The following STRN variants were observed in gnomAD, a reference collection of about 807,000 sequenced individuals.
The protein encoded by STRN is protein phosphatase 2 regulatory subunit B'''alpha.
A neutral mutation model predicts 96.3 loss-of-function variants in STRN; 53 were observed. The ratio of observed to expected loss-of-function variants is 0.55; its 90% CI spans 0.44 to 0.69. The LOEUF (loss-of-function observed/expected upper bound fraction) is 0.69. STRN is among the 30% of genes least tolerant of loss of function. The pLI, the probability that STRN is intolerant of heterozygous loss-of-function variation, is 0.00. For missense variants in STRN, 987 were observed against 963.9 expected (o/e 1.02, Z -0.32); for synonymous variants, 428 against 355.9 (o/e 1.20, Z -2.28).
At chr2:36,889,191 G>C (rs1268089128) in intron 7 of STRN, among the ~76,000 whole-genome samples, 1 of 152,146 alleles carries the variant, frequency 6.6e-6, no homozygotes, top group East Asian at 1.9e-4. Flanking sequence ...ATCAATATTT[G>C]TTGAATGAAT....
chr2:36,949,356 T>G (rs915925959), intron 1 of STRN, among the ~76,000 whole-genome samples: 9 of 152,194 alleles, frequency 5.9e-5, no homozygotes, highest in East Asian at 5.8e-4. Context: ...ATGTAGGAAA[T>G]ATAAACAGTC....
rs1037756245 is a variant in STRN, at chr2:36,843,841, G to C, written c.*5615C>G. The C allele has an allele frequency of 5.3e-5, 8 of 152,082 alleles. No homozygotes were observed. The highest frequency in any genetic ancestry group is 8.8e-5 in the Non-Finnish European group (6 of 68,012). 9.4% of individuals were successfully genotyped at this position (152,082 alleles called of 1,614,324 possible). A position where few individuals can be genotyped will look rare whatever the true frequency, so the allele number is the denominator to read the frequency against. On this transcript the variant is annotated 3_prime_UTR_variant, in exon 18 of 18. Coordinates refer to ENST00000263918, the MANE Select transcript of STRN (RefSeq NM_003162.4). ...TATTTAAAAACAAATAATACACTTAGAGCCACCAAAGATGGATATCTTAAT... is the reference window on the plus strand; with the variant it reads ...TATTTAAAAACAAATAATACACTTACAGCCACCAAAGATGGATATCTTAAT...
intron 9 of STRN, among the ~76,000 whole-genome samples, chr2:36,878,728 A>AT (rs947421034): frequency 3.3e-5 from 5 of 151,270 alleles, no homozygotes; most frequent in Admixed American, 2.0e-4. Context: ...TTCATCTAAA[A>AT]TTTTTTTTTA....
At chr2:36,962,115 G>A (rs1366785728) in intron 1 of STRN, among the ~76,000 whole-genome samples, 2 of 152,146 alleles carry the variant, frequency 1.3e-5, no homozygotes, top group Non-Finnish European at 2.9e-5. Context: ...GGCAAGATCT[G>A]TATTTTTGCT....
chr2:36,874,717 T>TA (rs35268065), intron 10 of STRN, among the ~76,000 whole-genome samples: 1,410 of 86,138 alleles, frequency 0.016, 16 homozygotes, highest in African/African-American at 0.032. Context: ...TGTTTAGAGT[T>TA]AAAAAAAAAA....
chr2:36,965,882 G>A (rs929406124), intron 1 of STRN, among the ~76,000 whole-genome samples: 1 of 152,260 alleles, frequency 6.6e-6, no homozygotes, highest in Middle Eastern at 3.4e-3. Flanking sequence ...TTTGCTCCGC[G>A]TCTCTCAAAA....
At chr2:36,899,481 A>G in intron 6 of STRN, 42 bp downstream of exon 6, 1 of 1,568,840 alleles carries the variant, frequency 6.4e-7, no homozygotes, top group Non-Finnish European at 8.6e-7. Context: ...TATGTATTAT[A>G]GTCCCTAAAA....
intron 10 of STRN, among the ~76,000 whole-genome samples, chr2:36,875,106 A>G (rs17496249): frequency 0.42 from 64,498 of 152,006 alleles, 14,009 homozygotes; most frequent in East Asian, 0.55. Flanking sequence ...AGGTCTTTGC[A>G]TAGAAAATTT....
Position 36,846,404 on chromosome 2 carries a change from T to TAC in STRN, c.*3051_*3052insGT. The TAC allele has an allele frequency of 8.4e-6, 1 of 118,778 alleles. No homozygotes were observed. The highest frequency in any genetic ancestry group is 2.4e-4 in the East Asian group (1 of 4,094). 7.4% of individuals were successfully genotyped at this position (118,778 alleles called of 1,614,324 possible). A position where few individuals can be genotyped will look rare whatever the true frequency, so the allele number is the denominator to read the frequency against. On this transcript the variant is annotated 3_prime_UTR_variant, in exon 18 of 18. Transcript: ENST00000263918. Reference sequence around the variant, plus strand: ...CCTATGGTTTATATATATATATATATATATATATATATATATATATATATA... The same window carrying TAC: ...CCTATGGTTTATATATATATATATATACATATATATATATATATATATATATA...
chr2:36,855,631 A>T (rs1346701840), intron 14 of STRN, among the ~76,000 whole-genome samples: 1 of 152,314 alleles, frequency 6.6e-6, no homozygotes, highest in Middle Eastern at 3.4e-3. Flanking sequence ...CAAATGGAAA[A>T]CATGTATGAA....
At chr2:36,913,663 G>A (rs192445010) in intron 3 of STRN, among the ~76,000 whole-genome samples, 60 of 152,164 alleles carry the variant, frequency 3.9e-4, no homozygotes, top group Non-Finnish European at 7.4e-5. Flanking sequence ...CTTATTCACT[G>A]GATTTGGTAC....
At chr2:36,920,231 A>T (rs1178825473) in intron 2 of STRN, among the ~76,000 whole-genome samples, 3 of 152,312 alleles carry the variant, frequency 2.0e-5, no homozygotes, top group African/African-American at 2.4e-5. Flanking sequence ...AATTTTTTTT[A>T]AAATTCAATT....
intron 1 of STRN, among the ~76,000 whole-genome samples, chr2:36,965,747 C>G (rs989872351): frequency 2.0e-5 from 3 of 152,222 alleles, no homozygotes; most frequent in Non-Finnish European, 4.4e-5. Context: ...CTCGCCTCGA[C>G]TCAAGGCCTG....
intron 12 of STRN, among the ~76,000 whole-genome samples, chr2:36,864,098 GCAAA>G (rs1184320187): frequency 6.6e-6 from 1 of 152,140 alleles, no homozygotes; most frequent in Non-Finnish European, 1.5e-5. Flanking sequence ...TATATTGTCT[GCAAA>G]CAAAGACAGT....
rs761553440 is a variant in STRN, at chr2:36,966,440, G to A, written c.24C>T (p.Gly8=). Residue 8 remains glycine (G), a synonymous_variant, in exon 1 of 18, where the codon GGC becomes GGT. Coordinates refer to ENST00000263918, the MANE Select transcript of STRN (RefSeq NM_003162.4). The part of the protein sequence containing the change: MDEQAGP[G]VFFSNNHPGA... ...CCGGGTGGTTGTTGCTGAAGAAGAC[G>A]CCGGGACCCGCCTGCTCGTCCATGG... 4.8e-6 allele frequency: 7 copies of A among 1,462,604 alleles called. No homozygotes were observed. The South Asian group carries it at 6.7e-5, about 14-fold the overall frequency. 90.6% of individuals were successfully genotyped at this position (1,462,604 alleles called of 1,614,324 possible).
chr2:36,865,090 T>C (rs527683486), intron 12 of STRN, among the ~76,000 whole-genome samples: 8 of 152,236 alleles, frequency 5.3e-5, no homozygotes, highest in Non-Finnish European at 1.0e-4. Flanking sequence ...TAGAATTCAA[T>C]TGTGAATCCA....
chr2:36,915,501 T>C (rs1572671464), intron 3 of STRN, among the ~76,000 whole-genome samples: 1 of 152,028 alleles, frequency 6.6e-6, no homozygotes, highest in African/African-American at 2.4e-5. Context: ...TTTATATTGT[T>C]TGATGGTATG....
At chr2:36,892,377 T>C (rs1227794892) in intron 7 of STRN, among the ~76,000 whole-genome samples, 2 of 152,072 alleles carry the variant, frequency 1.3e-5, no homozygotes, top group East Asian at 3.9e-4. Flanking sequence ...TCACGCAATA[T>C]ACCCAAGTAA....
At chr2:36,882,143 A>T (rs935526089) in intron 9 of STRN, among the ~76,000 whole-genome samples, 1 of 152,166 alleles carries the variant, frequency 6.6e-6, no homozygotes, top group African/African-American at 2.4e-5. Flanking sequence ...ATCTAGATAC[A>T]TCTAAATCAT....
Sources: gnomAD v4.1 joint callset for allele counts (sites outside exome capture counted in the v4.1 genomes callset) on GRCh38, gnomAD v4.1.1 for gene constraint, MANE v1.5 for transcripts, NCBI Gene and HGNC (gene_info 2026-07-23, HGNC 2026-07-21) for gene names.